The following TUSC3 variants were observed in gnomAD, a reference collection of about 807,000 sequenced individuals.
TUSC3 encodes dolichyl-diphosphooligosaccharide--protein glycosyltransferase subunit TUSC3.
Under a neutral mutation model 44.8 loss-of-function variants are expected in TUSC3, and 45 were observed. The ratio of observed to expected loss-of-function variants is 1.00; its 90% CI spans 0.79 to 1.29. The LOEUF (loss-of-function observed/expected upper bound fraction) is 1.29, where lower values mean the gene tolerates loss of function less well. Among genes scored for constraint, TUSC3 ranks in the 50% most tolerant of loss-of-function variants. The pLI is 0.00. For synonymous variants in TUSC3, 212 were observed against 152.9 expected (o/e 1.39, Z -2.85); for missense variants, 519 against 437.9 (o/e 1.19, Z -1.65).
chr8:15,555,089 T>G (rs1350681839), intron 1 of TUSC3, among the ~76,000 whole-genome samples: 1 of 148,788 alleles, frequency 6.7e-6, no homozygotes, highest in Non-Finnish European at 1.5e-5. Flanking sequence ...AAAATTTACA[T>G]AAGATTTCTC....
intron 1 of TUSC3, among the ~76,000 whole-genome samples, chr8:15,435,346 G>A (rs570436966): frequency 6.6e-6 from 1 of 152,208 alleles, no homozygotes; most frequent in African/African-American, 2.4e-5. Context: ...GTGGGCGAAG[G>A]ATATGAACAG....
At chr8:15,482,133 C>A (rs1362141758) in intron 1 of TUSC3, among the ~76,000 whole-genome samples, 6 of 152,190 alleles carry the variant, frequency 3.9e-5, no homozygotes, top group South Asian at 2.1e-4. Context: ...CCCTCGGAAA[C>A]AACTCCTTAT....
intron 6 of TUSC3, among the ~76,000 whole-genome samples, chr8:15,685,662 A>G (rs908938578): frequency 4.6e-5 from 7 of 152,080 alleles, no homozygotes; most frequent in African/African-American, 1.7e-4. Context: ...AACAGTGTAC[A>G]CTTGGGGGAA....
intron 2 of TUSC3, among the ~76,000 whole-genome samples, chr8:15,494,111 C>A (rs375280756): frequency 7.9e-5 from 12 of 152,332 alleles, no homozygotes; most frequent in African/African-American, 2.9e-4. Flanking sequence ...CTGCTGTCTG[C>A]TGCTGCTATT....
chr8:15,458,748 T>G (rs1378528860), intron 1 of TUSC3, among the ~76,000 whole-genome samples: 1 of 151,870 alleles, frequency 6.6e-6, no homozygotes, highest in Non-Finnish European at 1.5e-5. Flanking sequence ...GAATGATGAG[T>G]AACTGGGGAC....
In TUSC3 at chr8:15,518,962, A is replaced by G. The variant is rs576208173; in HGVS notation, n.189+35479A>G. ...CCCATGATTCTACAAGTCTAAACTA[A>G]AATCGAATCAATATATTAAATCTCT... On this transcript the variant is annotated intron_variant and non_coding_transcript_variant, in intron 2 of 5. Transcript: ENST00000503191. 3.9e-5 allele frequency among the ~76,000 whole-genome samples: 6 copies of G among 152,298 alleles called. No individual in the cohort carries two copies. The East Asian group carries it at 1.2e-3, about 29-fold the overall frequency.
intron 2 of TUSC3, among the ~76,000 whole-genome samples, chr8:15,640,129 G>A (rs1402491265): frequency 6.6e-6 from 1 of 152,174 alleles, no homozygotes; most frequent in East Asian, 1.9e-4. Context: ...TGTGGTTAAT[G>A]CTGAACACCT....
At chr8:15,787,726 G>C in the TUSC3 span, among the ~76,000 whole-genome samples, 1 of 152,174 alleles carries the variant, frequency 6.6e-6, no homozygotes, top group Non-Finnish European at 1.5e-5. Flanking sequence ...TCTACTGTTA[G>C]ACAACTTATT....
intron 2 of TUSC3, among the ~76,000 whole-genome samples, chr8:15,647,437 C>A (rs960000972): frequency 4.6e-5 from 7 of 151,984 alleles, no homozygotes; most frequent in Admixed American, 3.3e-4. Flanking sequence ...GGTTTTCTTA[C>A]TATAGATTTA....
At chr8:15,773,757 A>G in the TUSC3 span, among the ~76,000 whole-genome samples, 1 of 152,216 alleles carries the variant, frequency 6.6e-6, no homozygotes, top group East Asian at 1.9e-4. Context: ...ATAGATTAAT[A>G]GAATGGAATT....
At chr8:15,672,185 A>G (rs1807978472) in intron 5 of TUSC3, among the ~76,000 whole-genome samples, 1 of 152,018 alleles carries the variant, frequency 6.6e-6, no homozygotes, top group Non-Finnish European at 1.5e-5. Context: ...ACATGGAGCT[A>G]TTTAAGGAGT....
At chr8:15,792,526 G>A in the TUSC3 span, among the ~76,000 whole-genome samples, 17 of 152,246 alleles carry the variant, frequency 1.1e-4, no homozygotes, top group East Asian at 3.3e-3. Context: ...CATGATCGGG[G>A]ACCTCTAGAG....
At chr8:15,500,802 G>A (rs1248646509) in intron 2 of TUSC3, among the ~76,000 whole-genome samples, 1 of 152,128 alleles carries the variant, frequency 6.6e-6, no homozygotes, top group Non-Finnish European at 1.5e-5. Context: ...TTTATTTTCT[G>A]TTCATGAATA....
chr8:15,626,563 C>A (rs1805518669), intron 2 of TUSC3, among the ~76,000 whole-genome samples: 1 of 152,230 alleles, frequency 6.6e-6, no homozygotes, highest in African/African-American at 2.4e-5. Flanking sequence ...CTGCAACTGT[C>A]CACCTGCGAC....
intron 1 of TUSC3, among the ~76,000 whole-genome samples, chr8:15,471,677 G>A (rs911392180): frequency 4.0e-5 from 6 of 149,180 alleles, no homozygotes; most frequent in Non-Finnish European, 8.9e-5. Context: ...GAGAACAATC[G>A]TGTGATCTCA....
At chr8:15,770,293 C>G (rs1484716132), downstream of TUSC3, among the ~76,000 whole-genome samples, 2 of 152,074 alleles carry the variant, frequency 1.3e-5, no homozygotes, top group African/African-American at 4.8e-5. Flanking sequence ...CCATCCTCAG[C>G]AAACTAACAC....
chr8:15,523,732 G>T (rs1233750350), intron 2 of TUSC3, among the ~76,000 whole-genome samples: 3 of 125,044 alleles, frequency 2.4e-5, no homozygotes, highest in East Asian at 2.2e-4. Flanking sequence ...ATATAAAGTA[G>T]TTCTTAGGAG....
At chr8:15,811,301 C>T in the TUSC3 span, among the ~76,000 whole-genome samples, 1 of 152,164 alleles carries the variant, frequency 6.6e-6, no homozygotes, top group Non-Finnish European at 1.5e-5. Context: ...TCGCTCTTCA[C>T]ATCGTCAATT....
chr8:15,814,440 C>T, the TUSC3 span, among the ~76,000 whole-genome samples: 145,822 of 152,296 alleles, frequency 0.96, 69,856 homozygotes, highest in Non-Finnish European at 0.97. Context: ...AAGATGTAAA[C>T]ATAGATGCCT....
Sources: gnomAD v4.1 joint callset for allele counts (sites outside exome capture counted in the v4.1 genomes callset) on GRCh38, gnomAD v4.1.1 for gene constraint, MANE v1.5 for transcripts, NCBI Gene and HGNC (gene_info 2026-07-23, HGNC 2026-07-21) for gene names.